Variants in SPAG16 observed in about 807,000 individuals in gnomAD.
SPAG16 encodes the protein sperm-associated antigen 16 protein.
SPAG16 carries 86 observed loss-of-function variants against 80.4 expected under a neutral mutation model. The observed-to-expected ratio is 1.07, with a 90% CI of 0.90 to 1.28. The LOEUF is 1.28. Among genes scored for constraint, SPAG16 ranks in the 50% most tolerant of loss-of-function variants. The pLI, the probability that SPAG16 is intolerant of heterozygous loss-of-function variation, is 0.00. For missense variants in SPAG16, 870 were observed against 765.3 expected (o/e 1.14, Z -1.61); for synonymous variants, 294 against 265.9 (o/e 1.11, Z -1.03).
At chr2:213,892,952 G>A (rs2076841937) in intron 11 of SPAG16, among the ~76,000 whole-genome samples, 1 of 152,032 alleles carries the variant, frequency 6.6e-6, no homozygotes, top group Admixed American at 6.6e-5. Flanking sequence ...TTACATCCAA[G>A]CACACATAGG....
intron 15 of SPAG16, among the ~76,000 whole-genome samples, chr2:214,274,709 T>C (rs1462812720): frequency 6.6e-6 from 1 of 152,202 alleles, no homozygotes; most frequent in Admixed American, 6.5e-5. Flanking sequence ...CAGTATTTTA[T>C]TGAGGATTTT....
chr2:214,299,941 G>T (rs1033058951), intron 15 of SPAG16, among the ~76,000 whole-genome samples: 6 of 152,070 alleles, frequency 3.9e-5, no homozygotes, highest in African/African-American at 1.4e-4. Context: ...CATAGACAAG[G>T]TACAAGGCCA....
chr2:214,125,811 TTTAC>T (rs2054445901), intron 14 of SPAG16, among the ~76,000 whole-genome samples: 5 of 151,590 alleles, frequency 3.3e-5, no homozygotes. Flanking sequence ...TAATCAGGGT[TTTAC>T]TTGACATGGG....
chr2:213,590,197 C>T (rs1163546026), intron 10 of SPAG16, among the ~76,000 whole-genome samples: 4 of 152,022 alleles, frequency 2.6e-5, no homozygotes, highest in East Asian at 1.9e-4. Flanking sequence ...TGTTTTTACA[C>T]GTAATTGCAC....
At chr2:213,698,817 T>C (rs1406375778) in intron 10 of SPAG16, among the ~76,000 whole-genome samples, 1 of 152,202 alleles carries the variant, frequency 6.6e-6, no homozygotes, top group Non-Finnish European at 1.5e-5. Flanking sequence ...TGAACTGATT[T>C]TGAATTCTGA....
At chr2:214,348,428 T>G (rs1698198833) in intron 15 of SPAG16, among the ~76,000 whole-genome samples, 1 of 152,218 alleles carries the variant, frequency 6.6e-6, no homozygotes, top group African/African-American at 2.4e-5. Flanking sequence ...TTTTCTTCCT[T>G]TATATCTTTG....
intron 10 of SPAG16, among the ~76,000 whole-genome samples, chr2:213,629,533 T>TA (rs2062070257): frequency 6.6e-6 from 1 of 152,168 alleles, no homozygotes; most frequent in African/African-American, 2.4e-5. Flanking sequence ...CTGTTACATA[T>TA]AAACAAATCA....
At chr2:214,325,015 A>G (rs1276864425) in intron 15 of SPAG16, among the ~76,000 whole-genome samples, 1 of 151,880 alleles carries the variant, frequency 6.6e-6, no homozygotes, top group East Asian at 1.9e-4. Flanking sequence ...TAGAAAACCC[A>G]TAATATCAGA....
chr2:214,357,390 A>G (rs1019093757), intron 15 of SPAG16, among the ~76,000 whole-genome samples: 1 of 151,694 alleles, frequency 6.6e-6, no homozygotes, highest in Non-Finnish European at 1.5e-5. Flanking sequence ...TAATATTCCC[A>G]TCTCTTTGTC....
intron 10 of SPAG16, among the ~76,000 whole-genome samples, chr2:213,702,890 C>A (rs143252860): frequency 6.6e-6 from 1 of 152,162 alleles, no homozygotes; most frequent in Non-Finnish European, 1.5e-5. Context: ...AGCACTCAGA[C>A]CCAAGGAGGT....
intron 10 of SPAG16, among the ~76,000 whole-genome samples, chr2:213,608,123 G>A (rs2061326052): frequency 6.6e-6 from 1 of 152,078 alleles, no homozygotes; most frequent in African/African-American, 2.4e-5. Flanking sequence ...GTTAGGAGGG[G>A]AGCAGGGAGG....
chr2:213,422,106 G>T, intron 9 of SPAG16: 1 of 680,646 alleles, frequency 1.5e-6, no homozygotes, highest in Non-Finnish European at 2.7e-6. Context: ...CCCAAACAGG[G>T]CTGAAATGAC....
Position 213,340,204 on chromosome 2 carries a change from A to G in SPAG16, c.578A>G (p.Asp193Gly). 1 of 1,612,796 alleles carries G rather than the reference A, an allele frequency of 6.2e-7. No individual in the cohort carries two copies. Among genetic ancestry groups the G allele is most frequent in the Non-Finnish European group, 8.5e-7 (1 of 1,179,520 alleles). ...TTGCTGAAAATTCAGAAAGAACGTG[A>G]TTTTCATCGAATGCATCATAAGCGA... ...EDLLKIQKER[D>G]FHRMHHKRIV... Residue 193 changes from aspartate to glycine, a missense_variant, in exon 6 of 16, where the codon GAT becomes GGT. Transcript: ENST00000331683.
At chr2:213,347,939 C>T (rs965714356) in intron 6 of SPAG16, among the ~76,000 whole-genome samples, 7 of 152,012 alleles carry the variant, frequency 4.6e-5, no homozygotes, top group Admixed American at 1.3e-4. Flanking sequence ...CCTGGATATC[C>T]TTGTTAACTT....
chr2:213,922,182 T>A (rs760033432), intron 11 of SPAG16, among the ~76,000 whole-genome samples: 20 of 152,214 alleles, frequency 1.3e-4, no homozygotes, highest in Non-Finnish European at 2.5e-4. Context: ...TTTCATCTAT[T>A]TACATAATCC....
intron 10 of SPAG16, among the ~76,000 whole-genome samples, chr2:213,831,295 C>T (rs1370547015): frequency 6.6e-6 from 1 of 152,012 alleles, no homozygotes; most frequent in Non-Finnish European, 1.5e-5. Flanking sequence ...ACCTCGGCCT[C>T]CCAAAGTGCT....
chr2:213,532,117 T>C (rs1575860366), intron 10 of SPAG16, among the ~76,000 whole-genome samples: 1 of 152,348 alleles, frequency 6.6e-6, no homozygotes, highest in East Asian at 1.9e-4. Context: ...GAGCATTATA[T>C]ATGAAGTTTA....
chr2:214,268,304 T>C (rs1423362649), intron 15 of SPAG16, among the ~76,000 whole-genome samples: 3 of 151,860 alleles, frequency 2.0e-5, no homozygotes, highest in African/African-American at 7.2e-5. Flanking sequence ...TGTATATATA[T>C]ATCCAAAGGA....
intron 15 of SPAG16, among the ~76,000 whole-genome samples, chr2:214,326,491 T>TA (rs1696489159): frequency 6.6e-6 from 1 of 152,024 alleles, no homozygotes. Flanking sequence ...CTAATAACAG[T>TA]AAAAAAGCCA....
Sources: gnomAD v4.1 joint callset for allele counts (sites outside exome capture counted in the v4.1 genomes callset) on GRCh38, gnomAD v4.1.1 for gene constraint, MANE v1.5 for transcripts, NCBI Gene and HGNC (gene_info 2026-07-23, HGNC 2026-07-21) for gene names.